Variants in TTLL11 observed in about 807,000 individuals in gnomAD.
TTLL11 encodes the protein tubulin tyrosine ligase like 11, also known as tubulin polyglutamylase TTLL11.
In TTLL11, 42 loss-of-function variants were observed where a neutral mutation model predicts 51.7. The ratio of observed to expected loss-of-function variants is 0.81; its 90% confidence interval spans 0.64 to 1.05. The LOEUF (loss-of-function observed/expected upper bound fraction) is 1.05. Ranked by LOEUF, TTLL11 falls within the 50% of genes least tolerant of loss-of-function variation. The pLI is 0.00. For synonymous variants in TTLL11, 381 were observed against 383.5 expected (o/e 0.99, Z 0.08); for missense variants, 799 against 940.4 (o/e 0.85, Z 1.97).
At chr9:122,024,107 AG>A (rs778849169) in intron 3 of TTLL11, among the ~76,000 whole-genome samples, 3 of 152,188 alleles carry the variant, frequency 2.0e-5, no homozygotes, top group Non-Finnish European at 2.9e-5. Flanking sequence ...ACAAGGTTGC[AG>A]GATACAAGAT....
chr9:121,884,164 C>T lies in TTLL11; in HGVS notation c.1482-13416G>A, dbSNP rs1295499901. Reference sequence around the variant, plus strand: ...GCCGTCCCCATCCACCTCCCCCTCCCAGAGGGACAGCCCTAAGGAGCAGTG... The same window carrying T: ...GCCGTCCCCATCCACCTCCCCCTCCTAGAGGGACAGCCCTAAGGAGCAGTG... On this transcript the variant is annotated intron_variant, in intron 6 of 8. Transcript: ENST00000321582. Among the ~76,000 whole-genome samples, 4 of 152,194 alleles carry T rather than the reference C, an allele frequency of 2.6e-5. 1 individual carries two copies. The East Asian group carries it at 7.7e-4, about 29-fold the overall frequency.
intron 1 of TTLL11, among the ~76,000 whole-genome samples, chr9:122,051,306 G>A (rs1413688592): frequency 1.3e-5 from 2 of 152,152 alleles, no homozygotes; most frequent in African/African-American, 2.4e-5. Context: ...GACTAAGGGG[G>A]ATGGATGGAT....
At chr9:121,974,207 CT>C (rs1333885902) in intron 5 of TTLL11, 83 bp from the exon 6 acceptor site, 12 of 971,906 alleles carry the variant, frequency 1.2e-5, no homozygotes, top group Admixed American at 2.8e-5. Flanking sequence ...AGGGGTTATA[CT>C]AGTAAATTTT....
At chr9:122,044,502 A>G (rs915989225) in intron 1 of TTLL11, among the ~76,000 whole-genome samples, 2 of 152,168 alleles carry the variant, frequency 1.3e-5, no homozygotes, top group African/African-American at 4.8e-5. Flanking sequence ...CTATTTCTCC[A>G]CATCCTCTCT....
chr9:122,000,450 TGACAGA>T (rs1843426132), intron 3 of TTLL11, among the ~76,000 whole-genome samples: 1 of 119,432 alleles, frequency 8.4e-6, no homozygotes, highest in Non-Finnish European at 1.6e-5. Flanking sequence ...CCAGCCTGGG[TGACAGA>T]GTGAGACTCC....
chr9:122,084,382 C>T (rs1010576841), intron 1 of TTLL11, among the ~76,000 whole-genome samples: 5 of 152,112 alleles, frequency 3.3e-5, no homozygotes, highest in Admixed American at 6.5e-5. Flanking sequence ...GAAACAAACA[C>T]GCATGCAAAT....
chr9:121,881,390 T>G (rs540845626), intron 6 of TTLL11, among the ~76,000 whole-genome samples: 1 of 152,364 alleles, frequency 6.6e-6, no homozygotes, highest in African/African-American at 2.4e-5. Flanking sequence ...ATGGTAATCC[T>G]AATTCTCTTC....
rs559252568 is a variant in TTLL11 at position 122,000,610 on chromosome 9, C to A, written c.694-10840G>T. Among the ~76,000 whole-genome samples the A allele has an allele frequency of 3.3e-5, 5 of 152,188 alleles. No individual in the cohort carries two copies. In the South Asian group the frequency reaches 1.0e-3, roughly 32 times the overall value. On this transcript the variant is annotated intron_variant, in intron 3 of 8. Coordinates refer to ENST00000321582, the MANE Select transcript of TTLL11 (RefSeq NM_001139442.2). The stretch of plus-strand genomic sequence containing the variant: ...CTCACTGCTACACTCCCACCAGCGC[C>A]ATGACAGTTTACAAATGGCATGGCA...
chr9:122,081,185 C>G (rs1438712993), intron 1 of TTLL11, among the ~76,000 whole-genome samples: 1 of 152,170 alleles, frequency 6.6e-6, no homozygotes, highest in African/African-American at 2.4e-5. Flanking sequence ...CTGTGATGTT[C>G]TTATTTCTAA....
intron 6 of TTLL11, among the ~76,000 whole-genome samples, chr9:121,905,414 C>T (rs374751429): frequency 3.5e-4 from 53 of 151,380 alleles, no homozygotes; most frequent in Admixed American, 7.2e-4. Flanking sequence ...TGAGATGGCA[C>T]GAACTCGGCT....
At chr9:121,945,962 C>T (rs1179866143) in intron 6 of TTLL11, among the ~76,000 whole-genome samples, 3 of 151,990 alleles carry the variant, frequency 2.0e-5, no homozygotes, top group Non-Finnish European at 4.4e-5. Context: ...TTCCATCTTT[C>T]GAAAATATAA....
chr9:121,891,244 T>C (rs187511305), intron 6 of TTLL11, among the ~76,000 whole-genome samples: 1 of 152,300 alleles, frequency 6.6e-6, no homozygotes, highest in East Asian at 1.9e-4. Flanking sequence ...GCACAGAAAG[T>C]ATCTACTGAA....
At chr9:121,946,020 T>G in intron 6 of TTLL11, among the ~76,000 whole-genome samples, 1 of 152,208 alleles carries the variant, frequency 6.6e-6, no homozygotes, top group East Asian at 1.9e-4. Context: ...AGGGCATGAA[T>G]GCATCCGATG....
chr9:121,959,394 T>C (rs1842138806), intron 6 of TTLL11, among the ~76,000 whole-genome samples: 1 of 152,138 alleles, frequency 6.6e-6, no homozygotes, highest in Non-Finnish European at 1.5e-5. Flanking sequence ...TATTAGATAA[T>C]ATCGCTGGAA....
At chr9:121,897,640 A>ACACACCCGCG (rs111331446) in intron 6 of TTLL11, among the ~76,000 whole-genome samples, 1 of 139,292 alleles carries the variant, frequency 7.2e-6, no homozygotes, top group Admixed American at 7.1e-5. Flanking sequence ...ACACACACAC[A>ACACACCCGCG]CGCGCGCGCG....
intron 1 of TTLL11, among the ~76,000 whole-genome samples, chr9:122,070,956 G>C (rs896282498): frequency 6.6e-6 from 1 of 152,126 alleles, no homozygotes. Context: ...GAAGGAGCAG[G>C]CACCGTGTGA....
At chr9:121,918,000 C>T (rs1313590170) in intron 6 of TTLL11, among the ~76,000 whole-genome samples, 1 of 151,634 alleles carries the variant, frequency 6.6e-6, no homozygotes. Flanking sequence ...TGTTTTTAAG[C>T]ACTGGACAAC....
Position 121,884,331 on chromosome 9 carries a change from T to C in TTLL11, c.1482-13583A>G, listed in dbSNP as rs181799633. Among the ~76,000 whole-genome samples, 318 of 150,814 alleles carry C rather than the reference T, an allele frequency of 2.1e-3. 4 individuals are homozygous for C. Among genetic ancestry groups the C allele is most frequent in the African/African-American group, 7.1e-3 (292 of 41,222 alleles). ...AAAGGTTTCCATGCCAACAGGAATGTGGTGGGCATCCCAACCCCCAAGAAA... is the reference window on the plus strand; with the variant it reads ...AAAGGTTTCCATGCCAACAGGAATGCGGTGGGCATCCCAACCCCCAAGAAA... On this transcript the variant is annotated intron_variant, in intron 6 of 8. Transcript: ENST00000321582.
intron 6 of TTLL11, among the ~76,000 whole-genome samples, chr9:121,921,487 AT>A (rs35461305): frequency 6.6e-6 from 1 of 151,946 alleles, no homozygotes; most frequent in Non-Finnish European, 1.5e-5. Context: ...CTAAGTAACA[AT>A]TTTTTTTCCT....
Sources: allele counts gnomAD v4.1 joint callset (sites outside exome capture counted in the v4.1 genomes callset), GRCh38; gene constraint gnomAD v4.1.1; transcripts MANE v1.5; gene names NCBI Gene and HGNC (gene_info 2026-07-23, HGNC 2026-07-21).